DNM3: variants seen among roughly 807,000 people sequenced by gnomAD.
DNM3 encodes the protein dynamin 3, also known as dynamin-3.
A neutral mutation model predicts 101.6 loss-of-function variants in DNM3; 47 were observed. The observed-to-expected ratio is 0.46, with a 90% CI of 0.37 to 0.59. DNM3 has a LOEUF of 0.59. Among genes scored for constraint, DNM3 ranks in the 20% least tolerant of loss-of-function variants. DNM3 has a pLI of 0.00. For synonymous variants in DNM3, 385 were observed against 387.9 expected, an observed-to-expected ratio of 0.99 and a Z score of 0.09; for missense variants, 849 against 1,085.7, an observed-to-expected ratio of 0.78 and a Z score of 3.06.
chr1:172,137,095 C>T (rs1057435356), intron 14 of DNM3: 3 of 152,124 alleles, frequency 2.0e-5, no homozygotes, highest in African/African-American at 7.2e-5. Flanking sequence ...AGGTCATTGT[C>T]TCATTCTGGG....
At chr1:172,330,058 A>G (rs1259938637) in intron 17 of DNM3, among the ~76,000 whole-genome samples, 1 of 152,208 alleles carries the variant, frequency 6.6e-6, no homozygotes, top group Non-Finnish European at 1.5e-5. Flanking sequence ...GCCTCCCTGG[A>G]GGCCAGCTTG....
At chr1:172,341,349 C>G (rs180749044) in intron 17 of DNM3, among the ~76,000 whole-genome samples, 15 of 152,124 alleles carry the variant, frequency 9.9e-5, no homozygotes, top group Non-Finnish European at 1.6e-4. Flanking sequence ...TCCTATTAAA[C>G]TACCAGTAGT....
intron 17 of DNM3, chr1:172,366,632 G>A (rs972437110): frequency 6.6e-6 from 1 of 151,794 alleles, no homozygotes; most frequent in Non-Finnish European, 1.5e-5. Flanking sequence ...AATTCAGGAA[G>A]CATTTTGTAT....
intron 14 of DNM3, among the ~76,000 whole-genome samples, chr1:172,149,163 C>T (rs2058035338): frequency 1.3e-5 from 2 of 151,990 alleles, no homozygotes; most frequent in African/African-American, 2.4e-5. Flanking sequence ...TGTTTTTGCC[C>T]GTCTCTAAAA....
intron 15 of DNM3, among the ~76,000 whole-genome samples, chr1:172,279,907 T>G (rs1455398087): frequency 6.6e-6 from 1 of 152,106 alleles, no homozygotes; most frequent in African/African-American, 2.4e-5. Flanking sequence ...AAAAAATAGA[T>G]CAGATCCTAT....
At chr1:172,414,759 A>AAG (rs2071367931), downstream of DNM3, among the ~76,000 whole-genome samples, 1 of 150,414 alleles carries the variant, frequency 6.6e-6, no homozygotes, top group African/African-American at 2.5e-5. Context: ...TCTAAAAAAA[A>AAG]AAAAAAAAAA....
intron 17 of DNM3, among the ~76,000 whole-genome samples, chr1:172,366,173 C>T (rs1355949939): frequency 6.6e-6 from 1 of 151,844 alleles, no homozygotes; most frequent in Non-Finnish European, 1.5e-5. Flanking sequence ...TTCAAGTGAG[C>T]TATGATCACA....
At chr1:172,257,600 C>T (rs1050958314) in intron 15 of DNM3, among the ~76,000 whole-genome samples, 7 of 151,944 alleles carry the variant, frequency 4.6e-5, no homozygotes, top group Middle Eastern at 6.8e-3. Context: ...AATATTTATA[C>T]GTATTTATGG....
intron 17 of DNM3, among the ~76,000 whole-genome samples, chr1:172,326,494 A>G (rs1167305604): frequency 6.6e-6 from 1 of 152,130 alleles, no homozygotes; most frequent in Non-Finnish European, 1.5e-5. Context: ...TTGTTTCTTG[A>G]GTACAAATGT....
intron 2 of DNM3, chr1:171,970,281 A>G (rs1443068103): frequency 1.2e-5 from 4 of 325,812 alleles, no homozygotes; most frequent in Non-Finnish European, 1.8e-5. Flanking sequence ...TAAGGGTAAC[A>G]TTTTTGGGAA....
At chr1:171,953,057 A>G (rs1286076243) in intron 2 of DNM3, among the ~76,000 whole-genome samples, 1 of 152,214 alleles carries the variant, frequency 6.6e-6, no homozygotes, top group Non-Finnish European at 1.5e-5. Flanking sequence ...GGAAGGAAGG[A>G]CTTCAAAACT....
intron 10 of DNM3, among the ~76,000 whole-genome samples, chr1:172,065,896 C>T (rs566252604): frequency 5.5e-4 from 84 of 152,246 alleles, no homozygotes; most frequent in African/African-American, 2.0e-3. Flanking sequence ...TTTCTATGCA[C>T]AGAGAGTAGA....
chr1:172,179,794 A>G (rs145838305), intron 14 of DNM3, among the ~76,000 whole-genome samples: 36 of 152,032 alleles, frequency 2.4e-4, no homozygotes, highest in African/African-American at 7.7e-4. Flanking sequence ...TCACATTTTA[A>G]TCTTCACAAT....
At chr1:172,065,944 G>T (rs933694339) in intron 10 of DNM3, among the ~76,000 whole-genome samples, 2 of 152,108 alleles carry the variant, frequency 1.3e-5, no homozygotes, top group Non-Finnish European at 2.9e-5. Context: ...ATGAGATCTC[G>T]TGATTATGAT....
intron 14 of DNM3, among the ~76,000 whole-genome samples, chr1:172,198,890 T>G (rs954401001): frequency 1.3e-5 from 2 of 152,090 alleles, no homozygotes; most frequent in African/African-American, 4.8e-5. Context: ...TGAATGGTCT[T>G]TTGTGTCTCA....
chr1:172,402,814 T>C (rs1421724735), intron 20 of DNM3, among the ~76,000 whole-genome samples: 2 of 152,222 alleles, frequency 1.3e-5, no homozygotes, highest in Non-Finnish European at 2.9e-5. Context: ...GGTATCAAAG[T>C]GTTTCTACAA....
At chr1:171,936,493 T>A (rs1005422989) in intron 2 of DNM3, among the ~76,000 whole-genome samples, 1 of 152,232 alleles carries the variant, frequency 6.6e-6, no homozygotes, top group Non-Finnish European at 1.5e-5. Flanking sequence ...TATTGTTTAC[T>A]CTGCTTTATT....
intron 14 of DNM3, among the ~76,000 whole-genome samples, chr1:172,201,628 CTTG>C (rs1464858460): frequency 6.6e-6 from 1 of 152,178 alleles, no homozygotes; most frequent in Non-Finnish European, 1.5e-5. Context: ...TTGACTACAG[CTTG>C]TTGTAGTGTG....
intron 13 of DNM3, among the ~76,000 whole-genome samples, chr1:172,129,991 A>G (rs1264353997): frequency 6.6e-6 from 1 of 152,112 alleles, no homozygotes; most frequent in Non-Finnish European, 1.5e-5. Flanking sequence ...ACAGGGAATC[A>G]AGGGTGACAG....
Sources: gnomAD v4.1 joint callset for allele counts (sites outside exome capture counted in the v4.1 genomes callset) on GRCh38, gnomAD v4.1.1 for gene constraint, MANE v1.5 for transcripts, NCBI Gene and HGNC (gene_info 2026-07-23, HGNC 2026-07-21) for gene names.